TACC3: variants seen among roughly 807,000 people sequenced by gnomAD.
TACC3 encodes transforming acidic coiled-coil containing protein 3, also known as transforming acidic coiled-coil-containing protein 3.
Under a neutral mutation model 86.0 loss-of-function variants are expected in TACC3, and 52 were observed. The observed-to-expected ratio is 0.60, with a 90% CI of 0.48 to 0.76. The LOEUF is 0.76. TACC3 is among the 30% of genes least tolerant of loss of function. TACC3 has a pLI of 0.00. For missense variants in TACC3, 1,120 were observed against 1,070.4 expected (o/e 1.05, Z -0.65); for synonymous variants, 512 against 430.0 (o/e 1.19, Z -2.36).
At chr4:1,730,808 T>C in intron 4 of TACC3, 79 bp from the exon 5 acceptor site, 1 of 1,457,550 alleles carries the variant, frequency 6.9e-7, no homozygotes, top group Non-Finnish European at 9.5e-7. Context: ...GGAAAGGCGA[T>C]GGCAGCTCAG....
chr4:1,736,422 CAAAAAAAAAAA>C lies in TACC3; in HGVS notation c.1748+601_1748+611del, dbSNP rs1164866581. Among the ~76,000 whole-genome samples, 26 of 65,840 alleles carry C rather than the reference CAAAAAAAAAAA, an allele frequency of 3.9e-4. 1 individual carries two copies. Among genetic ancestry groups the C allele is most frequent in the African/African-American group, 1.6e-3 (23 of 14,790 alleles). The allele number at this position is 65,840 out of a possible 152,430, so 43.2% of individuals were successfully genotyped here. ...TGGGCAACAGAGTGAGACTCCATCT[CAAAAAAAAAAA>C]AAAAAAAAAAAACCAAAAAATAGAG... On this transcript the variant is annotated intron_variant, in intron 8 of 15. Coordinates refer to ENST00000313288, the MANE Select transcript of TACC3 (RefSeq NM_006342.3).
rs200427394 is a variant in TACC3 at position 1,728,148 on chromosome 4, C to G, written c.746C>G (p.Thr249Ser). The G allele has an allele frequency of 1.2e-6, 2 of 1,611,532 alleles. No individual in the cohort carries two copies. Among genetic ancestry groups the G allele is most frequent in the African/African-American group, 2.7e-5 (2 of 74,898 alleles). ...GGVCAPAAVA[T>S]SPPGAIPKEA... Reference sequence around the variant, plus strand: ...GTCTGTGCTCCCGCAGCAGTGGCCACTTCGCCTCCTGGTGCAATCCCTAAG... The same window carrying G: ...GTCTGTGCTCCCGCAGCAGTGGCCAGTTCGCCTCCTGGTGCAATCCCTAAG... Residue 249 changes from threonine (T) to serine (S), a missense_variant, in exon 4 of 16, where the codon ACT becomes AGT. Transcript: ENST00000313288.
intron 3 of TACC3, among the ~76,000 whole-genome samples, chr4:1,725,533 G>A (rs551463222): frequency 6.6e-6 from 1 of 152,340 alleles, no homozygotes; most frequent in Admixed American, 6.5e-5. Context: ...GGGAGACCCA[G>A]CAGCAGAGAA....
At position 1,728,386 on chromosome 4, in the gene TACC3, C is replaced by G; in HGVS notation, c.984C>G (p.Ala328=). 1 of 1,613,144 alleles carries G rather than the reference C, an allele frequency of 6.2e-7. No individual in the cohort carries two copies. Among genetic ancestry groups the G allele is most frequent in the East Asian group, 2.2e-5 (1 of 44,884 alleles). Residue 328 remains alanine (A), a synonymous_variant, in exon 4 of 16, where the codon GCC becomes GCG. Coordinates refer to ENST00000313288, the MANE Select transcript of TACC3 (RefSeq NM_006342.3). ...PQEEVAAGQM[A]SSSRSGPVKL... ...AAGAAGTGGCTGCAGGCCAAATGGC[C>G]AGCTCCTCGAGGAGCGGACCTGTAA...
intron 12 of TACC3, 124 bp downstream of exon 12, chr4:1,740,126 TC>T: frequency 1.1e-6 from 1 of 940,638 alleles, no homozygotes; most frequent in East Asian, 2.5e-5. Context: ...AACACACGAG[TC>T]CCTTCAACAT....
In TACC3 at chr4:1,735,930, CG is replaced by C. The variant is rs1560313956; in HGVS notation, c.1748+102del. On this transcript the variant is annotated intron_variant, in intron 8 of 15. Coordinates refer to ENST00000313288, the MANE Select transcript of TACC3 (RefSeq NM_006342.3). This position sits in a 1 kb window ranked among gnomAD's most constrained non-coding sequence, Gnocchi z 4.2. Reference sequence around the variant, plus strand: ...GCTGTCTGCACAGAGGCTTCTAGACCGGGGGGAGATGATCAGAACTGGAAAG... The same window carrying C: ...GCTGTCTGCACAGAGGCTTCTAGACCGGGGGAGATGATCAGAACTGGAAAG... 9 of 880,648 alleles carry C rather than the reference CG, an allele frequency of 1.0e-5. No individual in the cohort carries two copies. Among genetic ancestry groups the C allele is most frequent in the East Asian group, 2.6e-5 (1 of 38,938 alleles). 54.6% of individuals were successfully genotyped at this position (880,648 alleles called of 1,614,324 possible).
At chr4:1,729,417 C>T (rs891397109) in intron 4 of TACC3, among the ~76,000 whole-genome samples, 4 of 151,968 alleles carry the variant, frequency 2.6e-5, no homozygotes, top group Admixed American at 6.6e-5. Flanking sequence ...GTAATGGCCC[C>T]GAATGTCTGG....
intron 3 of TACC3, among the ~76,000 whole-genome samples, chr4:1,727,184 C>G (rs1257421181): frequency 6.6e-6 from 1 of 151,956 alleles, no homozygotes; most frequent in Non-Finnish European, 1.5e-5. Flanking sequence ...GGAGCCCAGT[C>G]TACCAGGTGG....
intron 6 of TACC3, among the ~76,000 whole-genome samples, chr4:1,732,690 C>T (rs1048024323): frequency 6.6e-6 from 1 of 152,222 alleles, no homozygotes; most frequent in African/African-American, 2.4e-5. Flanking sequence ...GCCTGTCACC[C>T]TCACGCAGGA....
chr4:1,737,574 C>G, intron 9 of TACC3, 24 bp from the exon 10 acceptor site: 2 of 1,476,858 alleles, frequency 1.4e-6, no homozygotes, highest in Non-Finnish European at 1.8e-6. Context: ...AAATGGGTTC[C>G]TGTTTCATCC....
chr4:1,743,812 C>G (rs1461575524), intron 13 of TACC3, among the ~76,000 whole-genome samples: 1 of 152,198 alleles, frequency 6.6e-6, no homozygotes, highest in Admixed American at 6.5e-5. Context: ...CAGAGAAACA[C>G]AGTGCTGTGG....
At chr4:1,739,858 C>G in intron 11 of TACC3, 80 bp downstream of exon 11, 4 of 1,486,342 alleles carry the variant, frequency 2.7e-6, no homozygotes, top group Admixed American at 1.8e-5. Context: ...CCATCCTTGT[C>G]CCCATCCCCC....
intron 1 of TACC3, chr4:1,723,169 C>G: frequency 1.9e-6 from 1 of 527,126 alleles, no homozygotes; most frequent in Non-Finnish European, 3.4e-6. Flanking sequence ...CCCTTTAGCT[C>G]TTGGTCCCAG....
chr4:1,744,983 C>G lies in TACC3; in HGVS notation c.2487C>G (p.Asp829Glu). 2 of 1,610,994 alleles carry G rather than the reference C, an allele frequency of 1.2e-6. No homozygotes were observed. Among genetic ancestry groups the G allele is most frequent in the Non-Finnish European group, 8.5e-7 (1 of 1,179,174 alleles). Residue 829 changes from aspartate to glutamate, a missense_variant, in exon 16 of 16, where the codon GAC (aspartate) becomes GAG (glutamate). By Grantham distance (45) the Asp-to-Glu change is conservative. Transcript: ENST00000313288. ...KENEELTRIC[D>E]DLISKMEKI The stretch of plus-strand genomic sequence containing the variant: ...ACGAGGAGCTGACCAGGATCTGCGA[C>G]GACCTCATCTCCAAGATGGAGAAGA...
In TACC3 at chr4:1,728,112, G is replaced by A. The variant is rs759748375; in HGVS notation, c.710G>A (p.Arg237Gln). Residue 237 changes from arginine to glutamine, a missense_variant, in exon 4 of 16, where the codon CGG becomes CAG. Coordinates refer to ENST00000313288, the MANE Select transcript of TACC3 (RefSeq NM_006342.3). ...ETPHGAEEEC[R>Q]HGGVCAPAAV... is the part of the protein sequence containing the mutation. Reference sequence around the variant, plus strand: ...CCGCACGGAGCCGAGGAGGAATGCCGGCACGGTGGGGTCTGTGCTCCCGCA... The same window carrying A: ...CCGCACGGAGCCGAGGAGGAATGCCAGCACGGTGGGGTCTGTGCTCCCGCA... 1.1e-5 allele frequency: 18 copies of A among 1,612,216 alleles called. No homozygotes were observed. The highest frequency in any genetic ancestry group is 8.9e-5 in the East Asian group (4 of 44,844).
chr4:1,728,377 C>T lies in TACC3; in HGVS notation c.975C>T (p.Gly325=). ...TLSPQEEVAA[G]QMASSSRSGP... ...GTCCTCAGGAAGAAGTGGCTGCAGGCCAAATGGCCAGCTCCTCGAGGAGCG... is the reference window on the plus strand; with the variant it reads ...GTCCTCAGGAAGAAGTGGCTGCAGGTCAAATGGCCAGCTCCTCGAGGAGCG... Residue 325 remains glycine, a synonymous_variant, in exon 4 of 16, where the codon GGC becomes GGT. Transcript: ENST00000313288. 1 of 1,613,078 alleles carries T rather than the reference C, an allele frequency of 6.2e-7. No homozygotes were observed. The highest frequency in any genetic ancestry group is 8.5e-7 in the Non-Finnish European group (1 of 1,180,004).
chr4:1,742,768 C>T (rs12510945), intron 13 of TACC3, among the ~76,000 whole-genome samples: 1,728 of 150,808 alleles, frequency 0.011, 106 homozygotes, highest in Admixed American at 0.097. Context: ...CACTGCACTC[C>T]AGCCTGGGCG....
chr4:1,734,753 C>G (rs1219308550), intron 6 of TACC3, among the ~76,000 whole-genome samples: 1 of 152,054 alleles, frequency 6.6e-6, no homozygotes, highest in East Asian at 1.9e-4. Flanking sequence ...TCAGTGCAGC[C>G]TCCACCTCCC....
chr4:1,737,982 C>G (rs1207557090), intron 10 of TACC3: 1 of 526,770 alleles, frequency 1.9e-6, no homozygotes, highest in Non-Finnish European at 3.6e-6. Context: ...GGTGGCCTTG[C>G]AGCAGTGAGT....
Sources: gnomAD v4.1 joint callset for allele counts (sites outside exome capture counted in the v4.1 genomes callset) on GRCh38, gnomAD v4.1.1 for gene constraint, Gnocchi (gnomAD v3.1) non-coding constraint, MANE v1.5 for transcripts, NCBI Gene and HGNC (gene_info 2026-07-23, HGNC 2026-07-21) for gene names.